Variants in PLEKHA8 observed in about 807,000 individuals in gnomAD.
PLEKHA8 encodes pleckstrin homology domain containing A8.
A neutral mutation model predicts 68.2 loss-of-function variants in PLEKHA8; 36 were observed. The ratio of observed to expected loss-of-function variants is 0.53; its 90% CI spans 0.40 to 0.70. PLEKHA8 has a LOEUF of 0.70. PLEKHA8 is among the 30% of genes least tolerant of loss of function. The probability of loss-of-function intolerance (pLI) is 0.00; values close to 1 mark genes in which losing one functional copy is unlikely to be tolerated. For missense variants in PLEKHA8, 505 were observed against 615.4 expected (o/e 0.82, Z 1.90); for synonymous variants, 211 against 216.1 (o/e 0.98, Z 0.20).
intron 12 of PLEKHA8, among the ~76,000 whole-genome samples, chr7:30,063,970 C>T (rs756762267): frequency 4.3e-5 from 6 of 138,084 alleles, no homozygotes; most frequent in Admixed American, 1.4e-4. Flanking sequence ...ATATTCTCCC[C>T]TCTGTGTCCT....
chr7:30,051,598 C>G (rs1792414212), intron 6 of PLEKHA8, among the ~76,000 whole-genome samples: 1 of 152,122 alleles, frequency 6.6e-6, no homozygotes, highest in South Asian at 2.1e-4. Flanking sequence ...TTGGCTTTTT[C>G]TGTTACCCTA....
intron 4 of PLEKHA8, 44 bp from the exon 5 acceptor site, chr7:30,049,180 T>G (rs762536479): frequency 6.8e-6 from 11 of 1,612,136 alleles, no homozygotes; most frequent in Non-Finnish European, 9.3e-6. Flanking sequence ...GGCTTTTTCT[T>G]TTTTGGCAAG....
chr7:30,069,696 T>C (rs1281371957), intron 12 of PLEKHA8: 1 of 152,130 alleles, frequency 6.6e-6, no homozygotes, highest in African/African-American at 2.4e-5. Flanking sequence ...TAAACACCAG[T>C]TTTTTTGACA....
At chr7:30,065,458 C>T (rs1793773126) in intron 12 of PLEKHA8, among the ~76,000 whole-genome samples, 3 of 150,346 alleles carry the variant, frequency 2.0e-5, no homozygotes, top group East Asian at 2.0e-4. Flanking sequence ...ACAAGCTCTG[C>T]GTAAACGGTT....
chr7:30,066,598 T>C (rs1318673567), intron 12 of PLEKHA8, among the ~76,000 whole-genome samples: 3 of 152,242 alleles, frequency 2.0e-5, no homozygotes, highest in Non-Finnish European at 2.9e-5. Context: ...TAATCTGCTT[T>C]AGAGCTGAGT....
At chr7:30,093,025 A>G (rs773821714), downstream of PLEKHA8, among the ~76,000 whole-genome samples, 1 of 152,184 alleles carries the variant, frequency 6.6e-6, no homozygotes, top group African/African-American at 2.4e-5. Context: ...AAATAAGTCC[A>G]AGATATGCCT....
intron 13 of PLEKHA8, among the ~76,000 whole-genome samples, chr7:30,128,089 GTAT>G (rs1246781952): frequency 4.9e-5 from 6 of 121,588 alleles, no homozygotes; most frequent in Admixed American, 9.1e-5. Context: ...GAGTTTTACT[GTAT>G]TTTTTTTTTT....
intron 13 of PLEKHA8, among the ~76,000 whole-genome samples, chr7:30,124,897 A>T (rs571296096): frequency 3.6e-4 from 54 of 151,666 alleles, no homozygotes; most frequent in Non-Finnish European, 5.3e-4. Context: ...TTTTTTTTTT[A>T]AATTTTTGTT....
chr7:30,122,842 G>T (rs767619854), intron 13 of PLEKHA8, among the ~76,000 whole-genome samples: 10 of 152,184 alleles, frequency 6.6e-5, no homozygotes, highest in Non-Finnish European at 1.3e-4. Flanking sequence ...GCAAAGTAAA[G>T]GATGGAAAAT....
rs1450433713 is a variant in PLEKHA8 at position 30,028,615 on chromosome 7, G to T, written c.-148G>T. ...CGCCCCCGGGCCGAGGATGTGAGGC[G>T]GGCCGGGCGTCCCCACACCGGGCCC... On this transcript the variant is annotated 5_prime_UTR_variant, in exon 1 of 14. Transcript: ENST00000449726. The T allele has an allele frequency of 8.0e-6, 4 of 499,862 alleles. No individual in the cohort carries two copies. 31.0% of individuals were successfully genotyped at this position (499,862 alleles called of 1,614,324 possible). A position where few individuals can be genotyped will look rare whatever the true frequency, so the allele number is the denominator to read the frequency against.
At chr7:30,107,913 A>G (rs1796121977) in intron 13 of PLEKHA8, among the ~76,000 whole-genome samples, 2 of 152,200 alleles carry the variant, frequency 1.3e-5, no homozygotes, top group East Asian at 1.9e-4. Flanking sequence ...TCCTAAAGAT[A>G]CAGAAATTAG....
At chr7:30,046,694 A>T (rs1411378484) in intron 3 of PLEKHA8, among the ~76,000 whole-genome samples, 1 of 152,176 alleles carries the variant, frequency 6.6e-6, no homozygotes, top group East Asian at 1.9e-4. Context: ...AATAGATCCT[A>T]CCTTAGGAGG....
rs1289942338 is a variant in PLEKHA8, at chr7:30,056,338, CAT to C, written c.1039+1004_1039+1005del. ...TATATATATATATATATATAAATAA[CAT>C]ATATATAATATATATAACACATATA... is the stretch of plus-strand genomic sequence containing the variant. On this transcript the variant is annotated intron_variant, in intron 9 of 13. Coordinates refer to ENST00000449726, the MANE Select transcript of PLEKHA8 (RefSeq NM_001197026.2). 5.6e-4 allele frequency among the ~76,000 whole-genome samples: 57 copies of C among 102,118 alleles called. 2 individuals carry two copies. The highest frequency in any genetic ancestry group is 1.6e-3 in the African/African-American group (43 of 27,616). 67.0% of individuals were successfully genotyped at this position (102,118 alleles called of 152,430 possible). A position where few individuals can be genotyped will look rare whatever the true frequency, so the allele number is the denominator to read the frequency against.
exon 13 of PLEKHA8, chr7:30,090,664 A>G (rs1795379098): frequency 1.8e-6 from 1 of 542,430 alleles, no homozygotes; most frequent in South Asian, 8.2e-5. Flanking sequence ...CAGAGACTTG[A>G]TACTGTCTCA....
At chr7:30,116,146 G>A (rs924166180) in intron 13 of PLEKHA8, among the ~76,000 whole-genome samples, 2 of 150,418 alleles carry the variant, frequency 1.3e-5, no homozygotes, top group Non-Finnish European at 3.0e-5. Flanking sequence ...GTATACATAC[G>A]CATACATACA....
At chr7:30,064,885 C>CT (rs1409075056) in intron 12 of PLEKHA8, among the ~76,000 whole-genome samples, 2 of 152,098 alleles carry the variant, frequency 1.3e-5, no homozygotes, top group Non-Finnish European at 2.9e-5. Context: ...TTAGGGCTGT[C>CT]TATGGAAGGG....
At chr7:30,067,951 T>C (rs1224410558) in intron 12 of PLEKHA8, among the ~76,000 whole-genome samples, 3 of 152,226 alleles carry the variant, frequency 2.0e-5, no homozygotes, top group Non-Finnish European at 4.4e-5. Context: ...TCACACATGT[T>C]CTCTATCATA....
chr7:30,125,085 A>T (rs1010725207), intron 13 of PLEKHA8, among the ~76,000 whole-genome samples: 5 of 152,162 alleles, frequency 3.3e-5, no homozygotes, highest in African/African-American at 1.2e-4. Context: ...TTTTACACCT[A>T]AAATATCTTT....
At chr7:30,056,759 G>C (rs1395134956) in intron 9 of PLEKHA8, among the ~76,000 whole-genome samples, 2 of 127,894 alleles carry the variant, frequency 1.6e-5, no homozygotes. Context: ...GTGTGTGTGT[G>C]TGTGTGTGTG....
Sources: allele counts gnomAD v4.1 joint callset (sites outside exome capture counted in the v4.1 genomes callset), GRCh38; gene constraint gnomAD v4.1.1; transcripts MANE v1.5; gene names NCBI Gene and HGNC (gene_info 2026-07-23, HGNC 2026-07-21).